The following PCDHA3 variants were observed in gnomAD, a reference collection of about 807,000 sequenced individuals.
The protein encoded by PCDHA3 is protocadherin alpha 3.
In PCDHA3, 41 loss-of-function variants were observed where a neutral mutation model predicts 62.2. The observed-to-expected ratio is 0.66, with a 90% CI of 0.51 to 0.86. PCDHA3 has a LOEUF of 0.86. Among genes scored for constraint, PCDHA3 ranks in the 40% least tolerant of loss-of-function variants. PCDHA3 has a pLI of 0.00. For synonymous variants in PCDHA3, 640 were observed against 555.4 expected (o/e 1.15, Z -2.14); for missense variants, 1,304 against 1,241.2 (o/e 1.05, Z -0.76).
At chr5:140,939,350 A>G (rs2153641006) in intron 1 of PCDHA3, among the ~76,000 whole-genome samples, 1 of 152,266 alleles carries the variant, frequency 6.6e-6, no homozygotes, top group East Asian at 1.9e-4. Context: ...ATTTCAACTT[A>G]TGATTGCAAA....
intron 1 of PCDHA3, chr5:140,829,151 T>A (rs2150163115): frequency 6.2e-7 from 1 of 1,613,966 alleles, no homozygotes; most frequent in Admixed American, 1.7e-5. Flanking sequence ...AGCACTGACT[T>A]CCTTATCCTT....
intron 1 of PCDHA3, among the ~76,000 whole-genome samples, chr5:140,827,575 G>A (rs1173204419): frequency 6.6e-5 from 10 of 152,266 alleles, no homozygotes; most frequent in African/African-American, 2.4e-4. Flanking sequence ...CTATATAATA[G>A]CATGTCCTAG....
chr5:140,895,772 C>T (rs1554186642), intron 1 of PCDHA3, among the ~76,000 whole-genome samples: 1 of 152,072 alleles, frequency 6.6e-6, no homozygotes, highest in Non-Finnish European at 1.5e-5. Flanking sequence ...TTTATGGCTG[C>T]ATAGTATTCA....
chr5:140,843,004 C>T (rs2150349830), intron 1 of PCDHA3: 21 of 1,595,032 alleles, frequency 1.3e-5, no homozygotes, highest in Admixed American at 1.0e-4. Flanking sequence ...AGAATGACAA[C>T]GCGCCGGCAC....
At position 140,807,069 on chromosome 5, in the gene PCDHA3, T is replaced by C. The variant is rs546905593; in HGVS notation, c.2394+3478T>C. The stretch of plus-strand genomic sequence containing the variant: ...CTTCTATTCTTACTGGAAGGAACCA[T>C]ATACACTCTTTGGAGTCTGAAATAT... On this transcript the variant is annotated intron_variant, in intron 1 of 3. Coordinates refer to ENST00000522353, the MANE Select transcript of PCDHA3 (RefSeq NM_018906.3). The C allele has an allele frequency of 8.6e-6, 10 of 1,166,188 alleles. No homozygotes were observed. The South Asian group carries it at 1.3e-4, about 16-fold the overall frequency. The allele number at this position is 1,166,188 out of a possible 1,614,324, so 72.2% of individuals were successfully genotyped here. A position where few individuals can be genotyped will look rare whatever the true frequency, so the allele number is the denominator to read the frequency against.
intron 1 of PCDHA3, chr5:140,803,931 T>G (rs1329228144): frequency 1.1e-5 from 5 of 442,782 alleles, no homozygotes; most frequent in South Asian, 2.9e-5. Flanking sequence ...TTTATACTTA[T>G]CCCTATACAA....
intron 1 of PCDHA3, among the ~76,000 whole-genome samples, chr5:140,921,330 C>T (rs1285696901): frequency 6.6e-6 from 1 of 152,026 alleles, no homozygotes; most frequent in Non-Finnish European, 1.5e-5. Flanking sequence ...TCTGTCTGGT[C>T]CAATCACATA....
At chr5:140,942,705 T>TA (rs1220612434) in intron 1 of PCDHA3, among the ~76,000 whole-genome samples, 1 of 152,100 alleles carries the variant, frequency 6.6e-6, no homozygotes, top group Non-Finnish European at 1.5e-5. Flanking sequence ...AAATATGAAG[T>TA]AAAAGTATGA....
intron 1 of PCDHA3, chr5:140,835,572 T>C (rs782594410): frequency 7.4e-6 from 12 of 1,613,768 alleles, no homozygotes; most frequent in South Asian, 2.2e-5. Flanking sequence ...TCCCTTCAAG[T>C]TGGTGTCCAC....
intron 1 of PCDHA3, chr5:140,805,484 C>G: frequency 2.0e-6 from 2 of 993,630 alleles, no homozygotes; most frequent in Non-Finnish European, 2.4e-6. Flanking sequence ...AGAGAGGGAG[C>G]GTAAAGCTAT....
At chr5:140,806,518 C>A (rs1450874274) in intron 1 of PCDHA3, among the ~76,000 whole-genome samples, 2 of 152,202 alleles carry the variant, frequency 1.3e-5, no homozygotes, top group African/African-American at 2.4e-5. Context: ...TAATTAAATG[C>A]TGATGGTCTT....
At chr5:140,822,519 C>G in intron 1 of PCDHA3, 1 of 1,613,852 alleles carries the variant, frequency 6.2e-7, no homozygotes, top group East Asian at 2.2e-5. Flanking sequence ...TTTATAATGT[C>G]AGATTGTTGG....
intron 1 of PCDHA3, chr5:140,881,303 C>A: frequency 2.1e-6 from 2 of 962,604 alleles, no homozygotes; most frequent in Non-Finnish European, 2.5e-6. Flanking sequence ...GAAACTTTAA[C>A]CTCCTGGTTA....
rs1031755500 is a variant in PCDHA3 at position 140,856,096 on chromosome 5, G to A, written c.2394+52505G>A. 31 of 1,597,342 alleles carry A rather than the reference G, an allele frequency of 1.9e-5. 3 individuals are homozygous for A. The Admixed American group carries it at 5.2e-4, about 27-fold the overall frequency. On this transcript the variant is annotated intron_variant, in intron 1 of 3. Transcript: ENST00000522353. ...TGGGGGTCCAGTGTCTGCTGCTCTCGCTTCTTCTCCTCGCAGCCTGGGAGG... is the reference window on the plus strand; with the variant it reads ...TGGGGGTCCAGTGTCTGCTGCTCTCACTTCTTCTCCTCGCAGCCTGGGAGG...
At chr5:140,836,074 C>G in intron 1 of PCDHA3, 2 of 1,613,694 alleles carry the variant, frequency 1.2e-6, no homozygotes, top group Non-Finnish European at 1.7e-6. Flanking sequence ...AACGCGCCGG[C>G]ACTGCTGGCG....
At chr5:140,937,329 G>T (rs1406340473) in intron 1 of PCDHA3, among the ~76,000 whole-genome samples, 1 of 152,050 alleles carries the variant, frequency 6.6e-6, no homozygotes, top group Admixed American at 6.5e-5. Flanking sequence ...GAGCCACCGC[G>T]CCCGGCTTCT....
chr5:140,902,565 T>G (rs571957153), intron 1 of PCDHA3, among the ~76,000 whole-genome samples: 1 of 152,110 alleles, frequency 6.6e-6, no homozygotes. Context: ...TTTTTGAGGG[T>G]TTTTAAGATT....
chr5:140,885,051 A>G (rs2060446316), intron 1 of PCDHA3, among the ~76,000 whole-genome samples: 1 of 152,230 alleles, frequency 6.6e-6, no homozygotes, highest in Non-Finnish European at 1.5e-5. Context: ...TAATGTATAC[A>G]TATACCCACA....
chr5:140,969,704 T>G (rs1317094729), intron 1 of PCDHA3, among the ~76,000 whole-genome samples: 10 of 152,172 alleles, frequency 6.6e-5, no homozygotes, highest in African/African-American at 2.4e-4. Flanking sequence ...TGCTGTATCA[T>G]CTACAGGGAA....
Sources: allele counts gnomAD v4.1 joint callset (sites outside exome capture counted in the v4.1 genomes callset), GRCh38; gene constraint gnomAD v4.1.1; transcripts MANE v1.5; gene names NCBI Gene and HGNC (gene_info 2026-07-23, HGNC 2026-07-21).